DGKI: variants seen among roughly 807,000 people sequenced by gnomAD.
DGKI encodes the protein diacylglycerol kinase iota.
DGKI carries 55 observed loss-of-function variants against 147.5 expected under a neutral mutation model. The observed-to-expected ratio is 0.37, with a 90% CI of 0.30 to 0.47. The LOEUF (loss-of-function observed/expected upper bound fraction) is 0.47. DGKI is among the 20% of genes least tolerant of loss of function. The pLI is 1.00. For synonymous variants in DGKI, 469 were observed against 477.1 expected, an observed-to-expected ratio of 0.98 and a Z score of 0.22; for missense variants, 1,007 against 1,323.8, an observed-to-expected ratio of 0.76 and a Z score of 3.71.
At chr7:137,547,882 G>A (rs1817916372) in intron 20 of DGKI, among the ~76,000 whole-genome samples, 1 of 152,178 alleles carries the variant, frequency 6.6e-6, no homozygotes, top group Admixed American at 6.5e-5. Context: ...TAAGCTGTGA[G>A]CGAGGAGTTA....
intron 27 of DGKI, among the ~76,000 whole-genome samples, chr7:137,456,618 G>C (rs1440037418): frequency 6.6e-6 from 1 of 152,194 alleles, no homozygotes; most frequent in Non-Finnish European, 1.5e-5. Flanking sequence ...CAGTATTCCT[G>C]AAGTGTGAAT....
intron 8 of DGKI, among the ~76,000 whole-genome samples, chr7:137,614,789 C>T (rs750159462): frequency 3.9e-5 from 6 of 152,072 alleles, no homozygotes; most frequent in Non-Finnish European, 8.8e-5. Flanking sequence ...TCTTTATAAA[C>T]CATGTCTCCT....
chr7:137,642,527 CT>C (rs1453539343), intron 6 of DGKI, among the ~76,000 whole-genome samples: 1 of 152,174 alleles, frequency 6.6e-6, no homozygotes. Flanking sequence ...ATAATTTGAA[CT>C]TGAGCATTTT....
rs1229737763 is a variant in DGKI, at chr7:137,645,522, G to A, written c.754C>T (p.His252Tyr). 6.2e-7 allele frequency: 1 copy of A among 1,613,150 alleles called. No individual in the cohort carries two copies. Among genetic ancestry groups the A allele is most frequent in the Admixed American group, 1.7e-5 (1 of 59,976 alleles). Residue 252 changes from histidine to tyrosine, a missense_variant, in exon 6 of 33, where the codon CAC becomes TAC. Transcript: ENST00000614521. Reference protein sequence around the residue: ...RSPRENFVRHHWVHRRRQEGK... With the variant: ...RSPRENFVRHYWVHRRRQEGK... ...TCCTGCCGACGCCTGTGCACCCAGT[G>A]ATGACGTACAAAATTCTGTGGGAAA...
rs572304262 is a variant in DGKI, at chr7:137,622,550, A to G, written c.876+933T>C. Reference sequence around the variant, plus strand: ...TATGGGATCATCCACCTCTGTTGCAATTACTCATCCTTGCCATTGTAGCAT... The same window carrying G: ...TATGGGATCATCCACCTCTGTTGCAGTTACTCATCCTTGCCATTGTAGCAT... On this transcript the variant is annotated intron_variant, in intron 7 of 32. Transcript: ENST00000614521. Among the ~76,000 whole-genome samples, 5 of 152,340 alleles carry G rather than the reference A, an allele frequency of 3.3e-5. No homozygotes were observed. The East Asian group carries it at 9.6e-4, about 29-fold the overall frequency.
At chr7:137,615,458 A>G (rs1291617282) in intron 8 of DGKI, among the ~76,000 whole-genome samples, 1 of 151,950 alleles carries the variant, frequency 6.6e-6, no homozygotes, top group African/African-American at 2.4e-5. Flanking sequence ...AATTAAGAAC[A>G]TCTTCTCTAT....
intron 1 of DGKI, among the ~76,000 whole-genome samples, chr7:137,752,803 G>A (rs530025434): frequency 2.0e-5 from 3 of 152,250 alleles, no homozygotes; most frequent in Non-Finnish European, 2.9e-5. Context: ...GAGTCTTGCC[G>A]AAGCTCCCGG....
intron 18 of DGKI, among the ~76,000 whole-genome samples, chr7:137,572,106 T>A (rs1013384268): frequency 6.6e-6 from 1 of 152,230 alleles, no homozygotes; most frequent in Non-Finnish European, 1.5e-5. Context: ...CTAAATACAA[T>A]GTATTTGCAG....
At chr7:137,458,007 A>T (rs949114727) in intron 27 of DGKI, among the ~76,000 whole-genome samples, 7 of 152,152 alleles carry the variant, frequency 4.6e-5, no homozygotes, top group African/African-American at 1.7e-4. Flanking sequence ...ATTAGAAGGA[A>T]CTTTAATAAT....
intron 21 of DGKI, among the ~76,000 whole-genome samples, chr7:137,508,576 T>C (rs1028225400): frequency 5.3e-5 from 8 of 152,104 alleles, no homozygotes; most frequent in Non-Finnish European, 8.8e-5. Flanking sequence ...TCTTAGAGCA[T>C]TTACTTTAGC....
In DGKI at chr7:137,449,236, T is replaced by C. The variant is rs530310687; in HGVS notation, c.2736-5134A>G. ...GCCATCACACTACCTAACCTCAAAA[T>C]ATTTGACAAAGCTACAGTAACCAAA... On this transcript the variant is annotated intron_variant, in intron 27 of 32. Transcript: ENST00000614521. Among the ~76,000 whole-genome samples the C allele has an allele frequency of 5.3e-4, 81 of 152,184 alleles. No individual in the cohort carries two copies. The South Asian group carries it at 0.013, about 24-fold the overall frequency.
chr7:137,656,002 C>G (rs950796069), intron 4 of DGKI, among the ~76,000 whole-genome samples: 21 of 152,208 alleles, frequency 1.4e-4, no homozygotes, highest in African/African-American at 4.8e-4. Context: ...AGGAGCACTG[C>G]CCCAGCAGAG....
chr7:137,735,313 A>C (rs1794991808), intron 1 of DGKI, among the ~76,000 whole-genome samples: 1 of 152,130 alleles, frequency 6.6e-6, no homozygotes, highest in South Asian at 2.1e-4. Flanking sequence ...TTTACTAATC[A>C]TCAATTCATT....
chr7:137,482,867 C>T (rs150812819), intron 23 of DGKI, among the ~76,000 whole-genome samples: 308 of 152,122 alleles, frequency 2.0e-3, no homozygotes, highest in Non-Finnish European at 3.6e-3. Flanking sequence ...ACTCTTCTTG[C>T]GCCTTCCTTG....
chr7:137,597,195 T>C (rs935799088), intron 12 of DGKI, among the ~76,000 whole-genome samples: 2 of 152,126 alleles, frequency 1.3e-5, no homozygotes, highest in African/African-American at 4.8e-5. Context: ...GTGAGTACAG[T>C]TAGCAACAAT....
chr7:137,749,751 G>T (rs1010107713), intron 1 of DGKI, among the ~76,000 whole-genome samples: 10 of 152,066 alleles, frequency 6.6e-5, no homozygotes, highest in African/African-American at 2.4e-4. Flanking sequence ...ATTCCTCATT[G>T]GTTCACATGA....
At chr7:137,718,853 C>G (rs1469659837) in intron 1 of DGKI, among the ~76,000 whole-genome samples, 2 of 152,178 alleles carry the variant, frequency 1.3e-5, no homozygotes, top group East Asian at 3.9e-4. Context: ...TAGCAAAACT[C>G]TTCCTGTTGG....
chr7:137,818,473 G>A (rs961774225), intron 1 of DGKI, among the ~76,000 whole-genome samples: 1 of 152,066 alleles, frequency 6.6e-6, no homozygotes, highest in Non-Finnish European at 1.5e-5. Flanking sequence ...TTTTGCCCAG[G>A]CTGGAGTGCA....
intron 16 of DGKI, 29 bp downstream of exon 16, chr7:137,578,241 A>C (rs1456102263): frequency 6.6e-7 from 1 of 1,505,432 alleles, no homozygotes; most frequent in Non-Finnish European, 9.2e-7. Flanking sequence ...AGTAATATGT[A>C]GTAATTATGA....
Sources: gnomAD v4.1 joint callset for allele counts (sites outside exome capture counted in the v4.1 genomes callset) on GRCh38, gnomAD v4.1.1 for gene constraint, MANE v1.5 for transcripts, NCBI Gene and HGNC (gene_info 2026-07-23, HGNC 2026-07-21) for gene names.